NUP93: variants seen among roughly 807,000 people sequenced by gnomAD.
NUP93 encodes the protein nucleoporin 93.
In NUP93, 55 loss-of-function variants were observed where a neutral mutation model predicts 107.8. The ratio of observed to expected loss-of-function variants is 0.51; its 90% confidence interval spans 0.41 to 0.64. The LOEUF (loss-of-function observed/expected upper bound fraction) is 0.64. Among genes scored for constraint, NUP93 ranks in the 30% least tolerant of loss-of-function variants. NUP93 has a pLI of 0.00. For synonymous variants in NUP93, 390 were observed against 397.5 expected (o/e 0.98, Z 0.22); for missense variants, 937 against 1,044.7 (o/e 0.90, Z 1.42).
intron 19 of NUP93, 127 bp downstream of exon 19, chr16:56,839,196 G>T: frequency 3.2e-6 from 1 of 317,180 alleles, no homozygotes. Flanking sequence ...AGAAAGACAA[G>T]TACAATCCTG....
rs200736841 is a variant in NUP93 at position 56,731,044 on chromosome 16, A to AT, written c.-15+842dup. Among the ~76,000 whole-genome samples the AT allele has an allele frequency of 6.9e-4, 103 of 149,930 alleles. 2 individuals carry two copies. The East Asian group carries it at 0.016, about 23-fold the overall frequency. On this transcript the variant is annotated intron_variant, in intron 1 of 21. Transcript: ENST00000308159. ...TCGGTCATCCTAGCTTTTCTTCTTT[A>AT]TTTTTTTTTCTTTAAATTCTCCTTT...
In NUP93 at chr16:56,754,793, C is replaced by G. The variant is rs550300222; in HGVS notation, c.180-3745C>G. 1.2e-3 allele frequency among the ~76,000 whole-genome samples: 177 copies of G among 152,366 alleles called. 1 individual carries two copies. The highest frequency in any genetic ancestry group is 2.2e-3 in the Non-Finnish European group (148 of 68,036). On this transcript the variant is annotated intron_variant, in intron 2 of 21. Transcript: ENST00000308159. The stretch of plus-strand genomic sequence containing the variant: ...GTGGGGTCTGCAACCCCACATTTCC[C>G]CTCCACACTGCTTAGTAGATTCTCC...
rs1039677989 is a variant in NUP93 at position 56,849,052 on chromosome 16, T to C, written c.*4443T>C. On this transcript the variant is annotated 3_prime_UTR_variant, in exon 22 of 22. Coordinates refer to ENST00000308159, the MANE Select transcript of NUP93 (RefSeq NM_014669.5). ...CCACAGTAGATTGCTCAGCAGATAT[T>C]TGAATGAGCAGATGCTTTGCTTTGT... 1 of 152,222 alleles carries C rather than the reference T, an allele frequency of 6.6e-6. No individual in the cohort carries two copies. The highest frequency in any genetic ancestry group is 1.9e-4 in the East Asian group (1 of 5,202). 9.4% of individuals were successfully genotyped at this position (152,222 alleles called of 1,614,324 possible). A position where few individuals can be genotyped will look rare whatever the true frequency, so the allele number is the denominator to read the frequency against.
chr16:56,809,721 G>T (rs1265122651), intron 5 of NUP93, among the ~76,000 whole-genome samples: 1 of 152,136 alleles, frequency 6.6e-6, no homozygotes, highest in Non-Finnish European at 1.5e-5. Context: ...TTCCTGGTTT[G>T]TTCCTGATTT....
At chr16:56,826,786 G>A (rs1470851432) in intron 8 of NUP93, among the ~76,000 whole-genome samples, 14 of 151,500 alleles carry the variant, frequency 9.2e-5, no homozygotes, top group East Asian at 1.9e-4. Context: ...AGCGTCTCAC[G>A]TCTGTAATCC....
chr16:56,798,497 G>T lies in NUP93; in HGVS notation c.319G>T (p.Asp107Tyr). The T allele has an allele frequency of 6.2e-7, 1 of 1,614,078 alleles. No homozygotes were observed. Among genetic ancestry groups the T allele is most frequent in the Non-Finnish European group, 8.5e-7 (1 of 1,179,960 alleles). ...ATAGGGCTTCCTGAAGAATGAGAAG[G>T]ACAATGCCCTGCTGTCTGCCATCGA... ...DIQGFLKNEK[D>Y]NALLSAIEES... Residue 107 changes from aspartate (D) to tyrosine (Y), a missense_variant, in exon 4 of 22, where the codon GAC becomes TAC. By Grantham distance (160) the Asp-to-Tyr change is radical. Transcript: ENST00000308159.
chr16:56,732,036 G>A (rs533395314), intron 1 of NUP93, among the ~76,000 whole-genome samples: 6 of 152,104 alleles, frequency 3.9e-5, no homozygotes, highest in East Asian at 1.9e-4. Flanking sequence ...CTTTCCAAAC[G>A]TCAGACATGC....
intron 3 of NUP93, among the ~76,000 whole-genome samples, chr16:56,770,839 G>A (rs1327074525): frequency 1.3e-5 from 2 of 151,998 alleles, no homozygotes; most frequent in African/African-American, 4.8e-5. Context: ...CGAGGCTGGT[G>A]GATCACGAGG....
chr16:56,733,292 T>G (rs1961562327), intron 1 of NUP93, among the ~76,000 whole-genome samples: 2 of 152,118 alleles, frequency 1.3e-5, no homozygotes, highest in Non-Finnish European at 2.9e-5. Flanking sequence ...CTGATGGACT[T>G]AAGGCAGGAA....
Position 56,829,128 on chromosome 16 carries a change from G to A in NUP93, c.927+19G>A. On this transcript the variant is annotated intron_variant, in intron 9 of 21. Transcript: ENST00000308159. ...ACTACAGGTACTGACAACTTTCTCT[G>A]TGTGATCAGTTACACCCCCAGAGCA... The A allele has an allele frequency of 5.0e-6, 8 of 1,608,318 alleles. No homozygotes were observed. Among genetic ancestry groups the A allele is most frequent in the Non-Finnish European group, 6.8e-6 (8 of 1,178,456 alleles).
chr16:56,839,098 C>G, intron 19 of NUP93, 29 bp downstream of exon 19: 1 of 1,487,038 alleles, frequency 6.7e-7, no homozygotes, highest in South Asian at 1.1e-5. Flanking sequence ...GTTTGAAGTG[C>G]AGGTTAATGT....
At chr16:56,823,990 T>A in intron 8 of NUP93, 144 bp downstream of exon 8, 3 of 1,093,594 alleles carry the variant, frequency 2.7e-6, no homozygotes, top group Non-Finnish European at 3.8e-6. Flanking sequence ...TTCAGAGTTG[T>A]AATCCTGTTT....
chr16:56,771,404 A>G (rs1238804824), intron 3 of NUP93, among the ~76,000 whole-genome samples: 1 of 152,138 alleles, frequency 6.6e-6, no homozygotes, highest in Non-Finnish European at 1.5e-5. Flanking sequence ...TACTTTTCTT[A>G]TGCCTTGCTG....
intron 8 of NUP93, among the ~76,000 whole-genome samples, chr16:56,827,073 T>TG (rs75400336): frequency 5.1e-5 from 4 of 78,636 alleles, no homozygotes; most frequent in Non-Finnish European, 8.3e-5. Context: ...AAAAAAATTT[T>TG]GTTGAGTCTG....
intron 4 of NUP93, among the ~76,000 whole-genome samples, chr16:56,804,367 T>A (rs1182757225): frequency 1.3e-5 from 2 of 152,180 alleles, no homozygotes; most frequent in South Asian, 2.1e-4. Context: ...AGTGGAATAT[T>A]TTTCAGCTTT....
chr16:56,823,634 C>A, intron 7 of NUP93, 73 bp from the exon 8 acceptor site: 1 of 1,555,702 alleles, frequency 6.4e-7, no homozygotes, highest in Non-Finnish European at 8.8e-7. Context: ...CTTTGGAGGT[C>A]AGAGTGCCAC....
rs80039861 is a variant in NUP93 at position 56,790,792 on chromosome 16, A to G, written c.298-7684A>G. ...AACTAAAGTACTAACTTTAGTACCA[A>G]CTGAATACTCAATAGTATTCCAATA... On this transcript the variant is annotated intron_variant, in intron 3 of 21. Transcript: ENST00000308159. 7.8e-3 allele frequency among the ~76,000 whole-genome samples: 1,193 copies of G among 152,288 alleles called. 24 individuals carry two copies. Among genetic ancestry groups the G allele is most frequent in the African/African-American group, 0.027 (1,124 of 41,548 alleles).
chr16:56,760,803 C>T (rs762581723), intron 3 of NUP93, among the ~76,000 whole-genome samples: 7 of 152,018 alleles, frequency 4.6e-5, no homozygotes, highest in Non-Finnish European at 8.8e-5. Context: ...AAAAAATGAT[C>T]GGGGCATGGT....
chr16:56,735,742 C>T (rs888809888), intron 1 of NUP93, among the ~76,000 whole-genome samples: 6 of 151,248 alleles, frequency 4.0e-5, no homozygotes, highest in Non-Finnish European at 1.5e-5. Flanking sequence ...GCAGGAGAAT[C>T]GCTTGAACCT....
Sources: gnomAD v4.1 joint callset for allele counts (sites outside exome capture counted in the v4.1 genomes callset) on GRCh38, gnomAD v4.1.1 for gene constraint, MANE v1.5 for transcripts, NCBI Gene and HGNC (gene_info 2026-07-23, HGNC 2026-07-21) for gene names.